The following MACROD2 variants were observed in gnomAD, a reference collection of about 807,000 sequenced individuals.
The protein encoded by MACROD2 is mono-ADP ribosylhydrolase 2.
MACROD2 carries 36 observed loss-of-function variants against 70.4 expected under a neutral mutation model. The observed-to-expected ratio is 0.51, with a 90% CI of 0.39 to 0.68. The LOEUF is 0.68. Among genes scored for constraint, MACROD2 ranks in the 30% least tolerant of loss-of-function variants. The pLI is 0.00. For missense variants in MACROD2, 496 were observed against 538.4 expected (o/e 0.92, Z 0.78); for synonymous variants, 172 against 178.8 (o/e 0.96, Z 0.30).
intron 6 of MACROD2, among the ~76,000 whole-genome samples, chr20:15,414,208 A>AT (rs1057162881): frequency 3.9e-5 from 6 of 152,164 alleles, no homozygotes; most frequent in East Asian, 1.9e-4. Flanking sequence ...AGGGATCAGA[A>AT]TTGTGAAAGT....
rs552012692 is a variant in MACROD2, at chr20:15,227,196, T to C, written c.419-2744T>C. ...TTTATCCTCAGTCCTTTAAATGAAA[T>C]GGAGAACTAAAGAAATGCAAGGAAT... is the stretch of plus-strand genomic sequence containing the variant. On this transcript the variant is annotated intron_variant, in intron 5 of 17. Transcript: ENST00000684519. Among the ~76,000 whole-genome samples the C allele has an allele frequency of 3.9e-5, 6 of 152,256 alleles. No homozygotes were observed. The South Asian group carries it at 6.2e-4, about 16-fold the overall frequency.
chr20:14,035,066 A>G (rs2053291464), intron 2 of MACROD2, among the ~76,000 whole-genome samples: 1 of 152,160 alleles, frequency 6.6e-6, no homozygotes, highest in African/African-American at 2.4e-5. Flanking sequence ...GCTCAGTTAT[A>G]GGTAAGTGTT....
rs180969664 is a variant in MACROD2 at position 14,160,999 on chromosome 20, C to T, written c.271+75271C>T. On this transcript the variant is annotated intron_variant, in intron 3 of 17. Coordinates refer to ENST00000684519, the MANE Select transcript of MACROD2 (RefSeq NM_001351661.2). ...AAACCTTCACCCCCTTACACCCTCT[C>T]TCCTTTTGGAGTCCCCACTGTCTAT... is the stretch of plus-strand genomic sequence containing the variant. 1.6e-4 allele frequency among the ~76,000 whole-genome samples: 25 copies of T among 152,192 alleles called. No individual in the cohort carries two copies. In the East Asian group the frequency reaches 3.5e-3, roughly 21 times the overall value.
rs898947845 is a variant in MACROD2, at chr20:15,471,395, C to T, written c.572-28379C>T. On this transcript the variant is annotated intron_variant, in intron 7 of 17. Coordinates refer to ENST00000684519, the MANE Select transcript of MACROD2 (RefSeq NM_001351661.2). Reference sequence around the variant, plus strand: ...AGTACTCATTATACCACCCATTGTGCGAAGCATTTGATATGATTGCATATA... The same window carrying T: ...AGTACTCATTATACCACCCATTGTGTGAAGCATTTGATATGATTGCATATA... Among the ~76,000 whole-genome samples the T allele has an allele frequency of 1.2e-4, 18 of 152,222 alleles. No individual in the cohort carries two copies. The East Asian group carries it at 2.3e-3, about 20-fold the overall frequency.
intron 4 of MACROD2, among the ~76,000 whole-genome samples, chr20:14,582,238 C>G (rs377516428): frequency 1.3e-5 from 2 of 152,020 alleles, no homozygotes; most frequent in Non-Finnish European, 2.9e-5. Context: ...ATGCTCCCTT[C>G]TCTATTGTGT....
chr20:16,001,456 C>T (rs1218897493), intron 15 of MACROD2, among the ~76,000 whole-genome samples: 1 of 152,176 alleles, frequency 6.6e-6, no homozygotes, highest in Non-Finnish European at 1.5e-5. Flanking sequence ...CATTGTGAAA[C>T]TTCAAAGGAA....
intron 9 of MACROD2, among the ~76,000 whole-genome samples, chr20:15,878,536 G>GT (rs2064707989): frequency 6.6e-6 from 1 of 152,042 alleles, no homozygotes; most frequent in Admixed American, 6.6e-5. Context: ...GTTCTACGGG[G>GT]TTTTCTTTGC....
intron 6 of MACROD2, among the ~76,000 whole-genome samples, chr20:15,303,275 G>A (rs918163044): frequency 6.6e-5 from 10 of 152,016 alleles, no homozygotes; most frequent in East Asian, 1.9e-4. Context: ...CAGAATTGAC[G>A]GTTTCAATAC....
chr20:14,389,518 T>C (rs2083505533), intron 3 of MACROD2, among the ~76,000 whole-genome samples: 1 of 150,946 alleles, frequency 6.6e-6, no homozygotes. Context: ...GACGTGCAAA[T>C]TATGGGAGAG....
chr20:16,039,018 C>G (rs2067272457), intron 15 of MACROD2, among the ~76,000 whole-genome samples: 1 of 151,896 alleles, frequency 6.6e-6, no homozygotes, highest in Non-Finnish European at 1.5e-5. Flanking sequence ...GGGTACCTCT[C>G]CTTGGTAGAA....
chr20:15,518,043 G>T (rs1314317480), intron 8 of MACROD2, among the ~76,000 whole-genome samples: 5 of 152,226 alleles, frequency 3.3e-5, no homozygotes, highest in Non-Finnish European at 7.3e-5. Context: ...AAAGGCATCT[G>T]CCATAAAGCT....
chr20:15,445,328 C>A (rs977630621), intron 7 of MACROD2, among the ~76,000 whole-genome samples: 2 of 152,158 alleles, frequency 1.3e-5, no homozygotes, highest in African/African-American at 2.4e-5. Flanking sequence ...TTATACATAA[C>A]CACTGTAGCC....
At chr20:14,584,479 C>A (rs1981242077) in intron 4 of MACROD2, among the ~76,000 whole-genome samples, 1 of 152,030 alleles carries the variant, frequency 6.6e-6, no homozygotes, top group Admixed American at 6.6e-5. Context: ...GGGCCCTCCC[C>A]CTAGTTTGCA....
chr20:14,858,605 A>T (rs143886415), intron 5 of MACROD2, among the ~76,000 whole-genome samples: 1 of 152,146 alleles, frequency 6.6e-6, no homozygotes, highest in African/African-American at 2.4e-5. Context: ...TAAGATTTTG[A>T]CTTCTACCTA....
In MACROD2 at chr20:15,390,398, C is replaced by A. The variant is rs866812186; in HGVS notation, c.541-41007C>A. 5.3e-5 allele frequency among the ~76,000 whole-genome samples: 8 copies of A among 152,134 alleles called. No homozygotes were observed. The South Asian group carries it at 1.4e-3, about 28-fold the overall frequency. Reference sequence around the variant, plus strand: ...TTTTTTCTTGGGCAGTTATTACCATCTAAATAATGTTGCATATATATTGTT... The same window carrying A: ...TTTTTTCTTGGGCAGTTATTACCATATAAATAATGTTGCATATATATTGTT... On this transcript the variant is annotated intron_variant, in intron 6 of 17. Coordinates refer to ENST00000684519, the MANE Select transcript of MACROD2 (RefSeq NM_001351661.2).
At chr20:14,991,006 ACTGT>A (rs2074898821) in intron 5 of MACROD2, among the ~76,000 whole-genome samples, 1 of 152,156 alleles carries the variant, frequency 6.6e-6, no homozygotes, top group South Asian at 2.1e-4. Flanking sequence ...TTTCTGTGAG[ACTGT>A]CTCTTTTTCA....
chr20:14,976,903 C>G (rs959228041), intron 5 of MACROD2, among the ~76,000 whole-genome samples: 2 of 152,002 alleles, frequency 1.3e-5, no homozygotes, highest in Non-Finnish European at 2.9e-5. Context: ...TCAGTCAGTA[C>G]AGTCAATTAT....
At chr20:14,449,897 A>G (rs1380104577) in intron 3 of MACROD2, among the ~76,000 whole-genome samples, 1 of 152,068 alleles carries the variant, frequency 6.6e-6, no homozygotes, top group African/African-American at 2.4e-5. Context: ...TTCAGATTAA[A>G]AGGAGCAGTG....
At chr20:15,610,186 T>C (rs1260106560) in intron 8 of MACROD2, among the ~76,000 whole-genome samples, 3 of 152,320 alleles carry the variant, frequency 2.0e-5, no homozygotes, top group Middle Eastern at 6.8e-3. Context: ...CCTCAGTATG[T>C]TACCCATCTA....
Sources: allele counts gnomAD v4.1 joint callset (sites outside exome capture counted in the v4.1 genomes callset), GRCh38; gene constraint gnomAD v4.1.1; transcripts MANE v1.5; gene names NCBI Gene and HGNC (gene_info 2026-07-23, HGNC 2026-07-21).